GLMN: variants seen among roughly 807,000 people sequenced by gnomAD.
GLMN encodes glomulin, FKBP associated protein, also known as glomulin.
In GLMN, 75 loss-of-function variants were observed where a neutral mutation model predicts 87.8. The observed-to-expected ratio is 0.85, with a 90% CI of 0.71 to 1.04. GLMN has a LOEUF of 1.04. Among genes scored for constraint, GLMN ranks in the 50% least tolerant of loss-of-function variants. GLMN has a pLI of 0.00. For synonymous variants in GLMN, 206 were observed against 221.6 expected (o/e 0.93, Z 0.63); for missense variants, 588 against 658.8 (o/e 0.89, Z 1.18).
At chr1:92,299,047 T>TC, upstream of GLMN, 1 of 1,374,812 alleles carries the variant, frequency 7.3e-7, no homozygotes, top group Non-Finnish European at 9.8e-7. Context: ...CCGGAGCGTG[T>TC]CCCCGTCCGG....
At chr1:92,296,445 A>C (rs775208553) in intron 3 of GLMN, among the ~76,000 whole-genome samples, 1 of 152,196 alleles carries the variant, frequency 6.6e-6, no homozygotes, top group Non-Finnish European at 1.5e-5. Context: ...GAGTGCCAAC[A>C]GGGGAAATGC....
chr1:92,265,122 T>G (rs1345833602), intron 13 of GLMN, among the ~76,000 whole-genome samples: 2 of 152,206 alleles, frequency 1.3e-5, no homozygotes. Context: ...ATTACAGGCA[T>G]GAGCCACCAC....
At chr1:92,256,704 GC>G (rs1443912067) in intron 16 of GLMN, among the ~76,000 whole-genome samples, 1 of 151,984 alleles carries the variant, frequency 6.6e-6, no homozygotes, top group Non-Finnish European at 1.5e-5. Context: ...AAATTCAACA[GC>G]CCTTCATGCT....
chr1:92,259,690 A>G (rs902510777), intron 16 of GLMN, among the ~76,000 whole-genome samples: 13 of 151,016 alleles, frequency 8.6e-5, no homozygotes, highest in Admixed American at 5.9e-4. Context: ...CCCATATTTC[A>G]GCATCACCAG....
Position 92,268,123 on chromosome 1 carries a change from A to T in GLMN, c.990T>A (p.Ser330=). The change falls in exon 10 of 19, where the codon TCT becomes TCA. Residue 330 remains serine, a synonymous_variant. Transcript: ENST00000370360. ...IEVFLQRTEE[S]VISKGLELLE... is the part of the protein sequence containing the mutation. ...ATCTTACCAATCCTTTGGAGATAAC[A>T]GACTCTTCTGTTCTGAAAAATAATA... The T allele has an allele frequency of 7.0e-7, 1 of 1,428,942 alleles. No individual in the cohort carries two copies. Among genetic ancestry groups the T allele is most frequent in the Non-Finnish European group, 9.9e-7 (1 of 1,012,292 alleles). The allele number at this position is 1,428,942 out of a possible 1,614,324, so 88.5% of individuals were successfully genotyped here.
At chr1:92,345,285 G>A in the GLMN span, among the ~76,000 whole-genome samples, 1 of 150,054 alleles carries the variant, frequency 6.7e-6, no homozygotes, top group Non-Finnish European at 1.5e-5. Flanking sequence ...AGGATCTCTT[G>A]AGCCCAGGAA....
the GLMN span, among the ~76,000 whole-genome samples, chr1:92,308,295 A>G: frequency 1.3e-5 from 2 of 152,184 alleles, no homozygotes; most frequent in Non-Finnish European, 2.9e-5. Flanking sequence ...ATTGTTCATC[A>G]TTTCACCACC....
At chr1:92,324,456 T>C in the GLMN span, 36 of 1,045,846 alleles carry the variant, frequency 3.4e-5, no homozygotes, top group Non-Finnish European at 5.6e-6. Flanking sequence ...GCAGGAAGGA[T>C]ATTGAAGAGT....
At chr1:92,253,678 CCTGA>C (rs1226427099) in intron 16 of GLMN, among the ~76,000 whole-genome samples, 3 of 152,142 alleles carry the variant, frequency 2.0e-5, no homozygotes, top group African/African-American at 4.8e-5. Context: ...AGAAGAGGGG[CCTGA>C]CTGTTAGAAG....
At chr1:92,330,802 A>T in the GLMN span, among the ~76,000 whole-genome samples, 2 of 152,184 alleles carry the variant, frequency 1.3e-5, no homozygotes, top group Non-Finnish European at 2.9e-5. Context: ...TTTCAGAAAC[A>T]CACAAAGATA....
At chr1:92,304,022 C>T in the GLMN span, 18 of 1,612,758 alleles carry the variant, frequency 1.1e-5, no homozygotes, top group South Asian at 2.2e-5. Flanking sequence ...CGTGGATGAA[C>T]GTTCTATTGT....
In GLMN at chr1:92,290,231, T is replaced by C. The variant is rs1314860711; in HGVS notation, c.361A>G (p.Ser121Gly). The C allele has an allele frequency of 6.2e-7, 1 of 1,607,346 alleles. No homozygotes were observed. The highest frequency in any genetic ancestry group is 8.5e-7 in the Non-Finnish European group (1 of 1,174,062). Residue 121 changes from serine (S) to glycine (G), a missense_variant, in exon 5 of 19, where the codon AGT (serine) becomes GGT (glycine). Transcript: ENST00000370360. The stretch of plus-strand genomic sequence containing the variant: ...AATGGCTGAAGCAAAAGAAGAATAC[T>C]TTGGGATATCTGTTTTCCAGAGGGC... ...EEPSGKQISQ[S>G]ILLLLQPLQT...
the GLMN span, among the ~76,000 whole-genome samples, chr1:92,356,239 A>C: frequency 6.6e-6 from 1 of 151,424 alleles, no homozygotes; most frequent in African/African-American, 2.4e-5. Context: ...AGCCTCCCAA[A>C]GTGCTAGGAT....
chr1:92,356,411 T>C, the GLMN span, among the ~76,000 whole-genome samples: 7 of 151,940 alleles, frequency 4.6e-5, no homozygotes, highest in Non-Finnish European at 8.8e-5. Context: ...GGAATAACAT[T>C]TTCCTTTTTT....
chr1:92,286,197 C>T (rs998780893), intron 7 of GLMN, among the ~76,000 whole-genome samples: 1 of 150,790 alleles, frequency 6.6e-6, no homozygotes, highest in Non-Finnish European at 1.5e-5. Context: ...TCATAATATA[C>T]TGTTGAAGAG....
chr1:92,367,402 G>C, the GLMN span, among the ~76,000 whole-genome samples: 1 of 152,148 alleles, frequency 6.6e-6, no homozygotes, highest in Non-Finnish European at 1.5e-5. Flanking sequence ...ATACCCATTT[G>C]TTTTAATTGG....
At chr1:92,309,055 C>G in the GLMN span, among the ~76,000 whole-genome samples, 1 of 152,280 alleles carries the variant, frequency 6.6e-6, no homozygotes, top group South Asian at 2.1e-4. Flanking sequence ...CTCACTGTTT[C>G]CCAAAACTTG....
At chr1:92,255,137 C>T (rs1277982871) in intron 16 of GLMN, among the ~76,000 whole-genome samples, 1 of 150,176 alleles carries the variant, frequency 6.7e-6, no homozygotes, top group Admixed American at 6.6e-5. Context: ...AGACTTTAAA[C>T]CATCAAAGAT....
intron 7 of GLMN, among the ~76,000 whole-genome samples, chr1:92,283,547 T>G (rs1258444719): frequency 6.6e-6 from 1 of 152,158 alleles, no homozygotes; most frequent in Non-Finnish European, 1.5e-5. Flanking sequence ...GCATTCCCTT[T>G]GAAAAATGGC....
Sources: allele counts gnomAD v4.1 joint callset (sites outside exome capture counted in the v4.1 genomes callset), GRCh38; gene constraint gnomAD v4.1.1; transcripts MANE v1.5; gene names NCBI Gene and HGNC (gene_info 2026-07-23, HGNC 2026-07-21).